IL3RA: variants seen among roughly 807,000 people sequenced by gnomAD.
IL3RA encodes interleukin 3 receptor subunit alpha.
IL3RA carries 73 observed loss-of-function variants against 52.3 expected under a neutral mutation model. The ratio of observed to expected loss-of-function variants is 1.40; its 90% CI spans 1.16 to 1.70. IL3RA has a LOEUF of 1.70. IL3RA is among the 40% of genes most tolerant of loss of function. The pLI, the probability that IL3RA is intolerant of heterozygous loss-of-function variation, is 0.00. For missense variants in IL3RA, 664 were observed against 504.4 expected (o/e 1.32, Z -3.03); for synonymous variants, 260 against 194.0 (o/e 1.34, Z -2.83).
chrX:1,364,962 C>T (rs2087803942), intron 8 of IL3RA, among the ~76,000 whole-genome samples, 176 bp from the exon 9 acceptor site: 1 of 151,954 alleles, frequency 6.6e-6, no homozygotes, highest in Non-Finnish European at 1.5e-5. Context: ...GTGCCTGCCA[C>T]CATGCCAGGC....
chrX:1,381,164 C>T (rs2089161838), intron 11 of IL3RA, 60 bp downstream of exon 11: 2 of 1,515,946 alleles, frequency 1.3e-6, no homozygotes, highest in Non-Finnish European at 1.8e-6. Context: ...TTTGGGAGGC[C>T]CAGGCGGGCG....
chrX:1,379,724 C>G (rs1411828329), intron 10 of IL3RA, among the ~76,000 whole-genome samples: 1 of 152,210 alleles, frequency 6.6e-6, no homozygotes, highest in Non-Finnish European at 1.5e-5. Context: ...CAGACCAACT[C>G]GAGGTTTTTG....
chrX:1,377,577 A>G (rs764441196), intron 9 of IL3RA, among the ~76,000 whole-genome samples: 3 of 148,234 alleles, frequency 2.0e-5, no homozygotes, highest in East Asian at 3.9e-4. Flanking sequence ...AAGCTGTGGG[A>G]CTTTTTTATG....
chrX:1,338,590 T>G (rs1252942931), intron 1 of IL3RA, among the ~76,000 whole-genome samples: 2 of 152,234 alleles, frequency 1.3e-5, no homozygotes, highest in Admixed American at 1.3e-4. Context: ...TGTGGGTGAA[T>G]GCTGAGGACA....
intron 8 of IL3RA, among the ~76,000 whole-genome samples, chrX:1,362,834 G>C (rs2087563799): frequency 6.6e-6 from 1 of 151,944 alleles, no homozygotes; most frequent in African/African-American, 2.4e-5. Context: ...GGAGTGCAGT[G>C]GTGCGATCTC....
intron 6 of IL3RA, among the ~76,000 whole-genome samples, chrX:1,355,650 G>A (rs1471270262): frequency 6.6e-6 from 1 of 151,606 alleles, no homozygotes; most frequent in African/African-American, 2.4e-5. Context: ...ACATCCCCTG[G>A]GGGGCGGAGG....
At chrX:1,341,649 G>C (rs1453358212) in intron 1 of IL3RA, 79 bp from the exon 2 acceptor site, 1 of 1,090,848 alleles carries the variant, frequency 9.2e-7, no homozygotes, top group Non-Finnish European at 1.4e-6. Flanking sequence ...CCAGGCTCTG[G>C]AAGGGGCAAG....
chrX:1,366,603 G>C (rs1335302547), intron 9 of IL3RA, among the ~76,000 whole-genome samples: 2 of 44,250 alleles, frequency 4.5e-5, no homozygotes, highest in African/African-American at 3.7e-4. Context: ...CGCGGTGCGC[G>C]GGGTGAGCGG....
chrX:1,368,445 G>C (rs1490010033), intron 9 of IL3RA, among the ~76,000 whole-genome samples: 1 of 152,042 alleles, frequency 6.6e-6, no homozygotes, highest in Non-Finnish European at 1.5e-5. Flanking sequence ...ATTAGGTCAG[G>C]TGCTGTGGCT....
intron 10 of IL3RA, 56 bp downstream of exon 10, chrX:1,378,820 T>G: frequency 7.0e-7 from 1 of 1,435,070 alleles, no homozygotes; most frequent in Non-Finnish European, 9.8e-7. Flanking sequence ...ACCCTGAAAG[T>G]TATTCACAGA....
chrX:1,379,274 G>T (rs1341052739), intron 10 of IL3RA, among the ~76,000 whole-genome samples: 1 of 152,128 alleles, frequency 6.6e-6, no homozygotes, highest in East Asian at 1.9e-4. Context: ...TCCTGCCTCA[G>T]CCTCCCGAGT....
At chrX:1,338,169 A>C (rs1456279154) in intron 1 of IL3RA, among the ~76,000 whole-genome samples, 2 of 150,300 alleles carry the variant, frequency 1.3e-5, no homozygotes, top group Non-Finnish European at 3.0e-5. Context: ...ACACAGTGGA[A>C]TATTACACAG....
chrX:1,378,842 AATTATC>A (rs1487386849), intron 10 of IL3RA, 78 bp downstream of exon 10: 11 of 1,287,366 alleles, frequency 8.5e-6, no homozygotes, highest in Non-Finnish European at 1.2e-5. Flanking sequence ...CCATCCTGAG[AATTATC>A]ATTATTATTT....
At chrX:1,351,340 T>C (rs865855319) in intron 4 of IL3RA, among the ~76,000 whole-genome samples, 3 of 11,542 alleles carry the variant, frequency 2.6e-4, no homozygotes, top group Admixed American at 8.2e-4. Flanking sequence ...TTTTATTTTT[T>C]TTTTTGAGAC....
chrX:1,343,678 A>ATAAT (rs1556615973), intron 2 of IL3RA, among the ~76,000 whole-genome samples: 13 of 150,414 alleles, frequency 8.6e-5, no homozygotes, highest in South Asian at 2.1e-4. Flanking sequence ...AAAAAAAAAA[A>ATAAT]AAAAAAAGAA....
intron 4 of IL3RA, among the ~76,000 whole-genome samples, chrX:1,349,650 A>AT (rs1219303991): frequency 1.3e-5 from 2 of 149,984 alleles, no homozygotes; most frequent in African/African-American, 2.5e-5. Flanking sequence ...TCCATGGTTT[A>AT]TTTTTTTGTT....
chrX:1,381,001 G>C (rs1477343081), intron 10 of IL3RA, 22 bp from the exon 11 acceptor site: 1 of 1,608,020 alleles, frequency 6.2e-7, no homozygotes, highest in African/African-American at 1.3e-5. Context: ...TTCAGAGCTG[G>C]GCCATTTCTC....
chrX:1,341,374 C>CGT (rs1556614819), intron 1 of IL3RA, among the ~76,000 whole-genome samples: 1 of 151,892 alleles, frequency 6.6e-6, no homozygotes, highest in Non-Finnish European at 1.5e-5. Flanking sequence ...AATGTACACA[C>CGT]GTGCAAGCAC....
intron 3 of IL3RA, 112 bp from the exon 4 acceptor site, chrX:1,348,319 C>A: frequency 3.6e-6 from 3 of 833,454 alleles, no homozygotes; most frequent in Middle Eastern, 3.3e-4. Context: ...CGCCACTGCA[C>A]TCCAGCGTGG....
Sources: gnomAD v4.1 joint callset for allele counts (sites outside exome capture counted in the v4.1 genomes callset) on GRCh38, gnomAD v4.1.1 for gene constraint, MANE v1.5 for transcripts, NCBI Gene and HGNC (gene_info 2026-07-23, HGNC 2026-07-21) for gene names.